The following ARSB variants were observed in gnomAD, a reference collection of about 807,000 sequenced individuals.
The protein encoded by ARSB is N-acetylgalactosamine-4-sulfatase.
A neutral mutation model predicts 50.9 loss-of-function variants in ARSB; 41 were observed. The ratio of observed to expected loss-of-function variants is 0.81; its 90% CI spans 0.63 to 1.04. The LOEUF (loss-of-function observed/expected upper bound fraction) is 1.04, where lower values mean the gene tolerates loss of function less well. Among genes scored for constraint, ARSB ranks in the 50% least tolerant of loss-of-function variants. The pLI, the probability that ARSB is intolerant of heterozygous loss-of-function variation, is 0.00. For missense variants in ARSB, 672 were observed against 693.3 expected (o/e 0.97, Z 0.35); for synonymous variants, 269 against 284.8 (o/e 0.94, Z 0.56).
chr5:78,947,533 G>C (rs1751300311), intron 4 of ARSB, among the ~76,000 whole-genome samples: 1 of 152,160 alleles, frequency 6.6e-6, no homozygotes, highest in South Asian at 2.1e-4. Context: ...ATGAAAAGGT[G>C]CTCAACATGA....
chr5:78,859,694 G>A (rs766562935), intron 5 of ARSB, among the ~76,000 whole-genome samples: 2 of 151,980 alleles, frequency 1.3e-5, no homozygotes, highest in Admixed American at 6.6e-5. Context: ...CGAATGATGG[G>A]ACTCAGGGGC....
intron 4 of ARSB, among the ~76,000 whole-genome samples, chr5:78,888,905 T>C (rs1405803647): frequency 6.6e-6 from 1 of 152,258 alleles, no homozygotes; most frequent in Non-Finnish European, 1.5e-5. Flanking sequence ...GTTATTCTTT[T>C]TAAGAGCACT....
chr5:78,825,836 T>C (rs1744412241), intron 6 of ARSB, among the ~76,000 whole-genome samples: 2 of 152,176 alleles, frequency 1.3e-5, no homozygotes, highest in Admixed American at 1.3e-4. Flanking sequence ...CATGACTTCC[T>C]CTTTAAGTCA....
At chr5:78,833,717 G>A (rs1046524853) in intron 6 of ARSB, among the ~76,000 whole-genome samples, 4 of 152,340 alleles carry the variant, frequency 2.6e-5, no homozygotes, top group Admixed American at 6.5e-5. Flanking sequence ...AAGTCAGGCC[G>A]AGCCAGGCCA....
chr5:78,816,512 C>T (rs898140182), intron 6 of ARSB, among the ~76,000 whole-genome samples: 3 of 152,272 alleles, frequency 2.0e-5, no homozygotes, highest in East Asian at 3.9e-4. Context: ...GTCTTCACCC[C>T]CTGGTGTTAC....
intron 3 of ARSB, 139 bp downstream of exon 3, chr5:78,964,277 G>A (rs1479965964): frequency 2.4e-6 from 2 of 846,242 alleles, no homozygotes; most frequent in African/African-American, 3.4e-5. Context: ...GCTGATTCTG[G>A]GATACTGTAT....
chr5:78,959,891 C>G (rs1006384657), intron 3 of ARSB, among the ~76,000 whole-genome samples: 3 of 152,206 alleles, frequency 2.0e-5, no homozygotes, highest in African/African-American at 7.2e-5. Context: ...GAGGACCCCA[C>G]CTGCAGCCAC....
chr5:78,842,316 C>G (rs1435283441), intron 5 of ARSB, among the ~76,000 whole-genome samples: 1 of 152,162 alleles, frequency 6.6e-6, no homozygotes, highest in Non-Finnish European at 1.5e-5. Flanking sequence ...CTCTGCAAGC[C>G]TCATAATTTT....
At chr5:78,787,062 T>C (rs994818580) in intron 6 of ARSB, among the ~76,000 whole-genome samples, 17 of 152,004 alleles carry the variant, frequency 1.1e-4, no homozygotes, top group African/African-American at 3.9e-4. Flanking sequence ...GCCATTCCAT[T>C]GATCTATAGT....
intron 3 of ARSB, among the ~76,000 whole-genome samples, chr5:78,962,203 C>G (rs912342485): frequency 1.3e-5 from 2 of 152,248 alleles, no homozygotes; most frequent in South Asian, 4.1e-4. Context: ...TGGTGGCTCC[C>G]TCAAAGAATA....
intron 4 of ARSB, among the ~76,000 whole-genome samples, chr5:78,898,024 T>C (rs1748650787): frequency 6.6e-6 from 1 of 151,996 alleles, no homozygotes; most frequent in South Asian, 2.1e-4. Flanking sequence ...TCCCAGCACT[T>C]TGGGAGGCTG....
At chr5:78,796,879 C>CT (rs1342063568) in intron 6 of ARSB, among the ~76,000 whole-genome samples, 9,654 of 126,316 alleles carry the variant, frequency 0.076, 923 homozygotes, top group African/African-American at 0.2. Flanking sequence ...GTCTCGATCT[C>CT]TTTTTTTTTT....
intron 4 of ARSB, among the ~76,000 whole-genome samples, chr5:78,911,261 G>C (rs1215957675): frequency 6.6e-6 from 1 of 152,134 alleles, no homozygotes; most frequent in East Asian, 1.9e-4. Flanking sequence ...ATAATAATGA[G>C]TCCCTGGGTC....
chr5:78,907,714 G>A (rs1026885855), intron 4 of ARSB, among the ~76,000 whole-genome samples: 3 of 152,290 alleles, frequency 2.0e-5, no homozygotes, highest in Non-Finnish European at 2.9e-5. Flanking sequence ...GGAGGCCACG[G>A]GTAGAGCGGT....
intron 2 of ARSB, among the ~76,000 whole-genome samples, chr5:78,968,372 G>C (rs1752302081): frequency 1.3e-5 from 2 of 149,564 alleles, no homozygotes. Context: ...TTTTGAGACA[G>C]AGTCTTGCTC....
intron 7 of ARSB, among the ~76,000 whole-genome samples, chr5:78,781,323 CTTTTTTTTTTT>C (rs376851173): frequency 1.6e-3 from 123 of 75,358 alleles, no homozygotes; most frequent in Non-Finnish European, 2.4e-3. Flanking sequence ...CTCTCTCTCT[CTTTTTTTTTTT>C]TTTTTTTTTT....
chr5:78,890,249 A>C (rs337882), intron 4 of ARSB, among the ~76,000 whole-genome samples: 125,512 of 147,090 alleles, frequency 0.85, 53,674 homozygotes, highest in East Asian at 0.99. Context: ...CTCAAATCTT[A>C]TCTTTTTTTT....
intron 5 of ARSB, 78 bp downstream of exon 5, chr5:78,885,506 G>A (rs1298692041): frequency 6.4e-6 from 10 of 1,566,522 alleles, no homozygotes; most frequent in Non-Finnish European, 3.5e-6. Flanking sequence ...TAACACAAAA[G>A]CTATCATTCT....
intron 5 of ARSB, among the ~76,000 whole-genome samples, chr5:78,867,195 C>T (rs1365128484): frequency 1.3e-5 from 2 of 152,160 alleles, no homozygotes; most frequent in Non-Finnish European, 2.9e-5. Flanking sequence ...TGATTGCTAG[C>T]ACAGCAGTCT....
Sources: gnomAD v4.1 joint callset for allele counts (sites outside exome capture counted in the v4.1 genomes callset) on GRCh38, gnomAD v4.1.1 for gene constraint, MANE v1.5 for transcripts, NCBI Gene and HGNC (gene_info 2026-07-23, HGNC 2026-07-21) for gene names.